DCC: variants seen among roughly 807,000 people sequenced by gnomAD.
The protein encoded by DCC is netrin receptor DCC.
Under a neutral mutation model 172.5 loss-of-function variants are expected in DCC, and 58 were observed. The observed-to-expected ratio is 0.34, with a 90% CI of 0.27 to 0.42. The LOEUF (loss-of-function observed/expected upper bound fraction) is 0.42. Ranked by LOEUF, DCC falls within the 10% of genes least tolerant of loss-of-function variation. DCC has a pLI of 1.00. For missense variants in DCC, 1,740 were observed against 1,791.0 expected (o/e 0.97, Z 0.51); for synonymous variants, 709 against 644.5 (o/e 1.10, Z -1.52).
At chr18:53,061,101 C>A (rs2042489118) in intron 5 of DCC, among the ~76,000 whole-genome samples, 1 of 152,000 alleles carries the variant, frequency 6.6e-6, no homozygotes, top group Non-Finnish European at 1.5e-5. Context: ...CTGTTATTTG[C>A]AAACATTAAC....
chr18:53,087,191 T>G (rs1377773108), intron 7 of DCC, among the ~76,000 whole-genome samples: 1 of 152,146 alleles, frequency 6.6e-6, no homozygotes, highest in East Asian at 1.9e-4. Context: ...ACTTCCACCA[T>G]GGTTGAACTA....
chr18:52,956,667 A>C (rs1446225355), intron 5 of DCC, among the ~76,000 whole-genome samples: 3 of 151,956 alleles, frequency 2.0e-5, no homozygotes, highest in Admixed American at 2.0e-4. Context: ...ATTCACATGG[A>C]CTCTATAGAT....
chr18:53,479,077 G>A (rs1021381587), intron 25 of DCC, among the ~76,000 whole-genome samples: 1 of 152,164 alleles, frequency 6.6e-6, no homozygotes, highest in African/African-American at 2.4e-5. Flanking sequence ...AGTAAGGAGT[G>A]CATAGAGCCG....
chr18:53,255,203 GT>G (rs2056490169), intron 12 of DCC, among the ~76,000 whole-genome samples: 1 of 151,244 alleles, frequency 6.6e-6, no homozygotes, highest in African/African-American at 2.4e-5. Context: ...ATGTGGGGAG[GT>G]TTTTTGTTTT....
intron 5 of DCC, among the ~76,000 whole-genome samples, chr18:53,007,255 G>A (rs2041660276): frequency 6.6e-6 from 1 of 152,138 alleles, no homozygotes; most frequent in South Asian, 2.1e-4. Flanking sequence ...TTGGTTACTT[G>A]TAGAGAAACC....
intron 1 of DCC, among the ~76,000 whole-genome samples, chr18:52,640,661 G>A (rs544738866): frequency 1.5e-3 from 231 of 151,846 alleles, no homozygotes; most frequent in African/African-American, 4.9e-3. Flanking sequence ...TAACCAAGGA[G>A]TTGAAAGACC....
intron 8 of DCC, among the ~76,000 whole-genome samples, chr18:53,167,065 T>C (rs1009173855): frequency 1.3e-5 from 2 of 152,150 alleles, no homozygotes; most frequent in Non-Finnish European, 2.9e-5. Context: ...CCACTAAGAA[T>C]AACGTAACTC....
intron 1 of DCC, among the ~76,000 whole-genome samples, chr18:52,633,610 T>C (rs1477170379): frequency 1.3e-5 from 2 of 152,106 alleles, no homozygotes; most frequent in African/African-American, 4.8e-5. Context: ...TTTTAAAAAA[T>C]CAAATGAACC....
At chr18:53,183,136 CTA>C (rs2144491722) in intron 9 of DCC, among the ~76,000 whole-genome samples, 1 of 152,196 alleles carries the variant, frequency 6.6e-6, no homozygotes, top group African/African-American at 2.4e-5. Flanking sequence ...AATATCAACT[CTA>C]TTATACAAAC....
At chr18:52,359,039 A>G (rs748467728) in intron 1 of DCC, among the ~76,000 whole-genome samples, 3 of 152,210 alleles carry the variant, frequency 2.0e-5, no homozygotes, top group Non-Finnish European at 4.4e-5. Flanking sequence ...TTTTCTCTAC[A>G]TATGACTTAG....
chr18:53,187,378 C>T (rs7243864), intron 9 of DCC, among the ~76,000 whole-genome samples: 19,013 of 151,874 alleles, frequency 0.13, 1,472 homozygotes, highest in African/African-American at 0.22. Flanking sequence ...TGCCTCGGCC[C>T]CCCAAAGTGC....
chr18:52,960,301 A>G (rs1415801406), intron 5 of DCC, among the ~76,000 whole-genome samples: 1 of 152,168 alleles, frequency 6.6e-6, no homozygotes, highest in Admixed American at 6.6e-5. Context: ...AAATTTTTTA[A>G]CATTTGTGAT....
intron 2 of DCC, among the ~76,000 whole-genome samples, chr18:52,890,432 C>G (rs1598902696): frequency 6.6e-6 from 1 of 152,010 alleles, no homozygotes; most frequent in South Asian, 2.1e-4. Context: ...AACAAGAATT[C>G]CTAGTAAATG....
At chr18:53,498,497 A>G (rs941893808) in intron 26 of DCC, among the ~76,000 whole-genome samples, 1 of 151,182 alleles carries the variant, frequency 6.6e-6, no homozygotes, top group African/African-American at 2.4e-5. Context: ...AAGTTCAATC[A>G]CTGTGTCATT....
chr18:52,831,205 C>G (rs144252592), intron 2 of DCC, among the ~76,000 whole-genome samples: 2 of 152,126 alleles, frequency 1.3e-5, no homozygotes, highest in Non-Finnish European at 2.9e-5. Flanking sequence ...CAAAGCATAG[C>G]AAGATGATCA....
intron 1 of DCC, among the ~76,000 whole-genome samples, chr18:52,708,636 C>G (rs1223982425): frequency 1.3e-5 from 2 of 152,018 alleles, no homozygotes; most frequent in African/African-American, 4.8e-5. Context: ...CCTGTCCCTG[C>G]GAAAGGCTCT....
chr18:52,359,843 C>T (rs1469912414), intron 1 of DCC, among the ~76,000 whole-genome samples: 2 of 152,098 alleles, frequency 1.3e-5, no homozygotes, highest in South Asian at 2.1e-4. Context: ...CACAGTTAAA[C>T]AGTGAGAGAG....
intron 22 of DCC, among the ~76,000 whole-genome samples, chr18:53,438,680 G>C (rs994305591): frequency 5.9e-5 from 9 of 152,098 alleles, no homozygotes; most frequent in Non-Finnish European, 1.0e-4. Flanking sequence ...ATAAATTTTT[G>C]GTTGAAAAGA....
chr18:52,923,621 C>A (rs552760224), intron 3 of DCC, 86 bp from the exon 4 acceptor site: 2 of 1,098,188 alleles, frequency 1.8e-6, no homozygotes, highest in South Asian at 1.3e-5. Flanking sequence ...TTCTTTCCAT[C>A]TTTTGTTAGG....
Sources: gnomAD v4.1 joint callset for allele counts (sites outside exome capture counted in the v4.1 genomes callset) on GRCh38, gnomAD v4.1.1 for gene constraint, MANE v1.5 for transcripts, NCBI Gene and HGNC (gene_info 2026-07-23, HGNC 2026-07-21) for gene names.